Variants in HECTD2 observed in about 807,000 individuals in gnomAD.
HECTD2 encodes HECT domain E3 ubiquitin protein ligase 2.
HECTD2 carries 35 observed loss-of-function variants against 103.2 expected under a neutral mutation model. The ratio of observed to expected loss-of-function variants is 0.34; its 90% CI spans 0.26 to 0.45. HECTD2 has a LOEUF of 0.45. HECTD2 is among the 20% of genes least tolerant of loss of function. The pLI is 1.00. For missense variants in HECTD2, 596 were observed against 937.4 expected (o/e 0.64, Z 4.76); for synonymous variants, 281 against 329.9 (o/e 0.85, Z 1.61).
chr10:91,485,325 A>G (rs759523040), intron 10 of HECTD2, 22 bp downstream of exon 10: 1 of 1,561,618 alleles, frequency 6.4e-7, no homozygotes, highest in Non-Finnish European at 8.7e-7. Context: ...AGTTCCTTTG[A>G]TTATCCACCT....
At chr10:91,457,875 A>C (rs1416023837) in intron 2 of HECTD2, among the ~76,000 whole-genome samples, 1 of 151,958 alleles carries the variant, frequency 6.6e-6, no homozygotes, top group African/African-American at 2.4e-5. Flanking sequence ...TAGTGGGAAT[A>C]ATGCAAGGAT....
chr10:91,432,985 A>T (rs1843956956), intron 2 of HECTD2, among the ~76,000 whole-genome samples: 1 of 151,990 alleles, frequency 6.6e-6, no homozygotes, highest in Non-Finnish European at 1.5e-5. Flanking sequence ...CTTGAGGGGC[A>T]GGTGTTAGAA....
At position 91,501,682 on chromosome 10, in the gene HECTD2, GT is replaced by G. The variant is rs1422769756; in HGVS notation, c.2210+350del. On this transcript the variant is annotated intron_variant, in intron 20 of 20. Coordinates refer to ENST00000298068, the MANE Select transcript of HECTD2 (RefSeq NM_182765.6). ...TTTTTATTTTTAGGAAAATCATTAA[GT>G]TGGGATATCTGGTTTGTTTGTGGAG... Among the ~76,000 whole-genome samples, 8 of 151,696 alleles carry G rather than the reference GT, an allele frequency of 5.3e-5. No homozygotes were observed. The East Asian group carries it at 1.5e-3, about 29-fold the overall frequency.
chr10:91,466,053 A>G (rs1485701117), intron 5 of HECTD2, among the ~76,000 whole-genome samples: 1 of 152,120 alleles, frequency 6.6e-6, no homozygotes, highest in African/African-American at 2.4e-5. Flanking sequence ...CATTAAAGCC[A>G]TCTGGGCCTG....
intron 1 of HECTD2, 89 bp from the exon 2 acceptor site, chr10:91,425,192 A>C (rs1038644886): frequency 9.2e-7 from 1 of 1,092,494 alleles, no homozygotes; most frequent in Non-Finnish European, 1.2e-6. Flanking sequence ...CATCAAATTA[A>C]AATCTCTTAT....
At chr10:91,423,865 A>C (rs1237233304) in intron 1 of HECTD2, among the ~76,000 whole-genome samples, 2 of 152,136 alleles carry the variant, frequency 1.3e-5, no homozygotes, top group African/African-American at 4.8e-5. Flanking sequence ...CATTAGAATG[A>C]TTATAATTTT....
intron 20 of HECTD2, among the ~76,000 whole-genome samples, chr10:91,504,572 A>C (rs2133365799): frequency 6.6e-6 from 1 of 152,268 alleles, no homozygotes; most frequent in South Asian, 2.1e-4. Flanking sequence ...AGGAAAGTTT[A>C]GAGAAAAAAG....
At chr10:91,497,990 G>A in intron 15 of HECTD2, 118 bp from the exon 16 acceptor site, 1 of 670,304 alleles carries the variant, frequency 1.5e-6, no homozygotes, top group Admixed American at 2.4e-5. Context: ...TTGTGCCCTG[G>A]AAAATACATG....
At chr10:91,489,320 C>T (rs1421245557) in intron 11 of HECTD2, 2 of 152,104 alleles carry the variant, frequency 1.3e-5, no homozygotes, top group Non-Finnish European at 2.9e-5. Flanking sequence ...CATAAATTGC[C>T]ATATCACTTG....
At chr10:91,415,866 A>G (rs970614896) in intron 1 of HECTD2, among the ~76,000 whole-genome samples, 2 of 152,224 alleles carry the variant, frequency 1.3e-5, no homozygotes, top group Non-Finnish European at 2.9e-5. Context: ...ATTAAATTAT[A>G]TGTAAAATCA....
At chr10:91,409,723 T>G (rs1842835994), upstream of HECTD2, among the ~76,000 whole-genome samples, 1 of 152,152 alleles carries the variant, frequency 6.6e-6, no homozygotes, top group African/African-American at 2.4e-5. Context: ...CCAGGAAGGC[T>G]GTCTCCCCGG....
Position 91,514,293 on chromosome 10 carries a change from C to T in HECTD2, c.*1909C>T, listed in dbSNP as rs1395683906. On this transcript the variant is annotated 3_prime_UTR_variant, in exon 21 of 21. Coordinates refer to ENST00000298068, the MANE Select transcript of HECTD2 (RefSeq NM_182765.6). Reference sequence around the variant, plus strand: ...GTCACTTTTAAATAAGAAGTCCACACAAGCAAGCCAAATTTTTAGATGACG... The same window carrying T: ...GTCACTTTTAAATAAGAAGTCCACATAAGCAAGCCAAATTTTTAGATGACG... 1.3e-5 allele frequency: 2 copies of T among 152,570 alleles called. No individual in the cohort carries two copies. The highest frequency in any genetic ancestry group is 2.9e-5 in the Non-Finnish European group (2 of 67,998). 9.5% of individuals were successfully genotyped at this position (152,570 alleles called of 1,614,324 possible).
intron 6 of HECTD2, 118 bp from the exon 7 acceptor site, chr10:91,480,976 A>G (rs1354295884): frequency 3.2e-6 from 2 of 619,760 alleles, no homozygotes; most frequent in African/African-American, 2.0e-5. Flanking sequence ...ATGCATATTA[A>G]TCCTAGTTTT....
At chr10:91,476,628 C>G (rs1383366306) in intron 5 of HECTD2, among the ~76,000 whole-genome samples, 2 of 152,190 alleles carry the variant, frequency 1.3e-5, no homozygotes, top group African/African-American at 4.8e-5. Flanking sequence ...CCAAACGGGA[C>G]TTGGCCAGGA....
chr10:91,444,919 C>T (rs1409471957), intron 2 of HECTD2, among the ~76,000 whole-genome samples: 1 of 152,150 alleles, frequency 6.6e-6, no homozygotes, highest in Admixed American at 6.6e-5. Context: ...AAGCAGTAAT[C>T]GTTTTCCCTT....
At chr10:91,455,187 CAG>C (rs1054763186) in intron 2 of HECTD2, among the ~76,000 whole-genome samples, 4 of 152,204 alleles carry the variant, frequency 2.6e-5, no homozygotes, top group African/African-American at 9.6e-5. Context: ...GTCCCACAAA[CAG>C]GGTAAAAGTG....
At position 91,500,549 on chromosome 10, in the gene HECTD2, C is replaced by G; in HGVS notation, c.1998C>G (p.Asp666Glu). 1 of 1,612,444 alleles carries G rather than the reference C, an allele frequency of 6.2e-7. No individual in the cohort carries two copies. The highest frequency in any genetic ancestry group is 8.5e-7 in the Non-Finnish European group (1 of 1,178,546). Residue 666 changes from aspartate to glutamate, a missense_variant, in exon 19 of 21, where the codon GAC (aspartate) becomes GAG (glutamate). Physicochemically the swap from Asp to Glu is conservative, Grantham distance 45. Around this residue, in one of 4 missense-constraint regions of HECTD2, gnomAD observed 69 missense variants for 153.8 expected, o/e 0.45. Transcript: ENST00000298068. Reference protein sequence around the residue: ...EVEILVCGSPDLDMHALQRST... With the variant: ...EVEILVCGSPELDMHALQRST... ...AAATTTTGGTCTGTGGAAGTCCTGA[C>G]CTGGATATGCATGCTCTGCAGAGAA... is the stretch of plus-strand genomic sequence containing the variant.
In HECTD2 at chr10:91,425,423, T is replaced by C. The variant is rs1483322544; in HGVS notation, c.268+13T>C. Reference sequence around the variant, plus strand: ...AACATCAAGAATGGTAAATAATTTTTAAATATATTTTGGCTAAAAGTATAT... The same window carrying C: ...AACATCAAGAATGGTAAATAATTTTCAAATATATTTTGGCTAAAAGTATAT... On this transcript the variant is annotated intron_variant, in intron 2 of 20. Transcript: ENST00000298068. The C allele has an allele frequency of 6.8e-7, 1 of 1,471,552 alleles. No individual in the cohort carries two copies. The highest frequency in any genetic ancestry group is 1.4e-5 in the African/African-American group (1 of 69,338). 91.2% of individuals were successfully genotyped at this position (1,471,552 alleles called of 1,614,324 possible).
chr10:91,513,268 A>G lies in HECTD2; in HGVS notation c.*884A>G, dbSNP rs1281579422. 6.5e-6 allele frequency: 1 copy of G among 152,684 alleles called. No individual in the cohort carries two copies. The highest frequency in any genetic ancestry group is 1.5e-5 in the Non-Finnish European group (1 of 68,048). 9.5% of individuals were successfully genotyped at this position (152,684 alleles called of 1,614,324 possible). Reference sequence around the variant, plus strand: ...GTATGTCAGTTACAAGCACAAAAGAATATAACTGCTTTTATAAATCTTTTG... The same window carrying G: ...GTATGTCAGTTACAAGCACAAAAGAGTATAACTGCTTTTATAAATCTTTTG... On this transcript the variant is annotated 3_prime_UTR_variant, in exon 21 of 21. Coordinates refer to ENST00000298068, the MANE Select transcript of HECTD2 (RefSeq NM_182765.6).
Sources: gnomAD v4.1 joint callset for allele counts (sites outside exome capture counted in the v4.1 genomes callset) on GRCh38, gnomAD v4.1.1 for gene constraint, gnomAD v4.1.1 regional missense constraint, MANE v1.5 for transcripts, NCBI Gene and HGNC (gene_info 2026-07-23, HGNC 2026-07-21) for gene names.